Variants in DLGAP1 observed in about 807,000 individuals in gnomAD.
DLGAP1 encodes the protein DLG associated protein 1.
In DLGAP1, 11 loss-of-function variants were observed where a neutral mutation model predicts 90.8. The observed-to-expected ratio is 0.12, with a 90% CI of 0.08 to 0.20. The LOEUF is 0.20. DLGAP1 is among the 10% of genes least tolerant of loss of function. The pLI is 1.00. For synonymous variants in DLGAP1, 558 were observed against 540.7 expected, an observed-to-expected ratio of 1.03 and a Z score of -0.44; for missense variants, 1,050 against 1,333.8, an observed-to-expected ratio of 0.79 and a Z score of 3.31.
chr18:3,810,051 A>T (rs1236019794), intron 5 of DLGAP1, among the ~76,000 whole-genome samples: 1 of 152,204 alleles, frequency 6.6e-6, no homozygotes, highest in African/African-American at 2.4e-5. Context: ...GTGATACGCC[A>T]TTTCAAATTT....
intron 7 of DLGAP1, among the ~76,000 whole-genome samples, chr18:3,667,631 G>T (rs60506797): frequency 0.1 from 15,488 of 152,120 alleles, 1,460 homozygotes; most frequent in African/African-American, 0.25. Context: ...AGGTACTGCG[G>T]TTTCTACCTG....
intron 1 of DLGAP1, among the ~76,000 whole-genome samples, chr18:4,411,424 A>G (rs1328638197): frequency 6.6e-6 from 1 of 152,186 alleles, no homozygotes; most frequent in East Asian, 1.9e-4. Context: ...CAGTAATGGG[A>G]TCAGATGGCT....
intron 1 of DLGAP1, among the ~76,000 whole-genome samples, chr18:4,418,191 G>A (rs1440628922): frequency 6.6e-6 from 1 of 152,028 alleles, no homozygotes; most frequent in Non-Finnish European, 1.5e-5. Context: ...TGCACTAAAG[G>A]CCCAGCAGAG....
At chr18:3,852,461 A>C (rs959510049) in intron 4 of DLGAP1, among the ~76,000 whole-genome samples, 1 of 152,162 alleles carries the variant, frequency 6.6e-6, no homozygotes, top group Non-Finnish European at 1.5e-5. Flanking sequence ...CTCAAGGAAA[A>C]AGGCAGCTTT....
At chr18:4,393,236 G>A (rs1252866516) in intron 1 of DLGAP1, among the ~76,000 whole-genome samples, 1 of 152,098 alleles carries the variant, frequency 6.6e-6, no homozygotes, top group Admixed American at 6.6e-5. Flanking sequence ...CCTTACCGCA[G>A]CCTATGAAAA....
intron 4 of DLGAP1, among the ~76,000 whole-genome samples, chr18:3,858,528 GCA>G (rs148706272): frequency 4.4e-4 from 62 of 139,940 alleles, no homozygotes; most frequent in Middle Eastern, 7.5e-3. Flanking sequence ...ATATATATAT[GCA>G]CACACACACA....
rs183462137 is a variant in DLGAP1 at position 3,578,577 on chromosome 18, G to A, written c.1965+3298C>T. 3.8e-3 allele frequency among the ~76,000 whole-genome samples: 575 copies of A among 151,892 alleles called. 4 individuals are homozygous for A. The highest frequency in any genetic ancestry group is 0.013 in the African/African-American group (531 of 41,436). ...TCACCATGTTGGCCAGGATGGTGTC[G>A]ATCTCTTGACCTCGTGATCTGCCCA... On this transcript the variant is annotated intron_variant, in intron 8 of 12. Transcript: ENST00000315677.
chr18:4,106,575 A>G (rs2075872288), intron 2 of DLGAP1, among the ~76,000 whole-genome samples: 1 of 152,202 alleles, frequency 6.6e-6, no homozygotes, highest in Non-Finnish European at 1.5e-5. Context: ...CATAAATGCA[A>G]CTCACGAAGT....
intron 8 of DLGAP1, among the ~76,000 whole-genome samples, chr18:3,577,946 T>C (rs148988889): frequency 3.4e-4 from 52 of 152,334 alleles, no homozygotes; most frequent in Non-Finnish European, 4.6e-4. Flanking sequence ...ATTTAGCTAA[T>C]TATAATTTTA....
chr18:4,174,352 C>T (rs1202317725), intron 1 of DLGAP1, among the ~76,000 whole-genome samples: 3 of 151,636 alleles, frequency 2.0e-5, no homozygotes, highest in African/African-American at 7.3e-5. Context: ...ATTATTTTTT[C>T]GAGACGGAGT....
intron 1 of DLGAP1, among the ~76,000 whole-genome samples, chr18:4,445,843 G>T (rs1047922531): frequency 3.3e-5 from 5 of 152,106 alleles, no homozygotes; most frequent in African/African-American, 4.8e-5. Flanking sequence ...CATAAAATGT[G>T]TGCTGTGAGA....
intron 10 of DLGAP1, among the ~76,000 whole-genome samples, chr18:3,516,002 G>A (rs543533634): frequency 1.2e-4 from 19 of 152,144 alleles, no homozygotes; most frequent in African/African-American, 4.6e-4. Flanking sequence ...TAGCAATTCA[G>A]TCACATTTAC....
At chr18:4,395,808 AT>A (rs2144481934) in intron 1 of DLGAP1, among the ~76,000 whole-genome samples, 1 of 152,360 alleles carries the variant, frequency 6.6e-6, no homozygotes, top group South Asian at 2.1e-4. Context: ...CCAGAAAGAT[AT>A]ATAAAAACAT....
intron 7 of DLGAP1, among the ~76,000 whole-genome samples, chr18:3,664,216 A>ACC (rs35538306): frequency 2.9e-4 from 26 of 89,948 alleles, no homozygotes; most frequent in East Asian, 4.6e-4. Flanking sequence ...ACACACACAC[A>ACC]CCCACACACA....
At chr18:3,753,870 C>T (rs2063600712) in intron 5 of DLGAP1, among the ~76,000 whole-genome samples, 1 of 152,234 alleles carries the variant, frequency 6.6e-6, no homozygotes, top group South Asian at 2.1e-4. Context: ...CTTAAAAATA[C>T]TGTTGTCCTT....
intron 1 of DLGAP1, among the ~76,000 whole-genome samples, chr18:4,274,578 A>T (rs181213107): frequency 6.6e-6 from 1 of 152,202 alleles, no homozygotes; most frequent in Non-Finnish European, 1.5e-5. Flanking sequence ...CTTTGATATT[A>T]TAATCAGGCT....
Position 4,032,332 on chromosome 18 carries a change from A to T in DLGAP1, c.-158-27131T>A, listed in dbSNP as rs149794445. 1.2e-3 allele frequency among the ~76,000 whole-genome samples: 185 copies of T among 152,290 alleles called. No individual in the cohort carries two copies. In the East Asian group the frequency reaches 0.013, roughly 10 times the overall value. ...AAGGGTCTGAAAATCTCTGTAGTCT[A>T]CCTATTGATATTGTGAGAAAACCAG... is the stretch of plus-strand genomic sequence containing the variant. On this transcript the variant is annotated intron_variant, in intron 2 of 12. Transcript: ENST00000315677.
intron 2 of DLGAP1, among the ~76,000 whole-genome samples, chr18:4,068,528 GATT>G (rs1314640094): frequency 1.3e-5 from 2 of 151,980 alleles, no homozygotes; most frequent in East Asian, 1.9e-4. Context: ...TAGATGTTTA[GATT>G]ATTTTTGGAT....
intron 9 of DLGAP1, among the ~76,000 whole-genome samples, chr18:3,566,297 G>A (rs543076826): frequency 4.6e-5 from 7 of 152,042 alleles, no homozygotes; most frequent in Middle Eastern, 3.4e-3. Flanking sequence ...CAGAATGATC[G>A]TACCAGTTTT....
Sources: allele counts gnomAD v4.1 joint callset (sites outside exome capture counted in the v4.1 genomes callset), GRCh38; gene constraint gnomAD v4.1.1; transcripts MANE v1.5; gene names NCBI Gene and HGNC (gene_info 2026-07-23, HGNC 2026-07-21).